TTI1: variants seen among roughly 807,000 people sequenced by gnomAD.
TTI1 encodes the protein TELO2 interacting protein 1, also known as TELO2-interacting protein 1 homolog.
TTI1 carries 52 observed loss-of-function variants against 85.4 expected under a neutral mutation model. That is an observed-to-expected ratio of 0.61 (90% CI 0.49 to 0.77). TTI1 has a LOEUF of 0.77. TTI1 is among the 30% of genes least tolerant of loss of function. The pLI, the probability that TTI1 is intolerant of heterozygous loss-of-function variation, is 0.00. For missense variants in TTI1, 1,173 were observed against 1,296.0 expected (o/e 0.91, Z 1.46); for synonymous variants, 512 against 503.9 (o/e 1.02, Z -0.22).
chr20:37,991,548 C>T (rs909382879), intron 7 of TTI1, among the ~76,000 whole-genome samples: 1 of 152,196 alleles, frequency 6.6e-6, no homozygotes, highest in Admixed American at 6.5e-5. Context: ...GTAAATGAAC[C>T]TTCAAACCCG....
chr20:37,997,762 T>C (rs1470993892), intron 5 of TTI1, among the ~76,000 whole-genome samples: 1 of 152,188 alleles, frequency 6.6e-6, no homozygotes, highest in Admixed American at 6.5e-5. Context: ...AGTGTCATCA[T>C]CGTGTCTGCG....
At chr20:37,996,298 C>G (rs920194172) in intron 7 of TTI1, 77 bp downstream of exon 7, 3 of 1,493,364 alleles carry the variant, frequency 2.0e-6, no homozygotes, top group Non-Finnish European at 2.8e-6. Flanking sequence ...AGAGATGCCT[C>G]AACTCTGCTT....
At position 38,012,586 on chromosome 20, in the gene TTI1, A is replaced by G; in HGVS notation, c.1231T>C (p.Leu411=). The G allele has an allele frequency of 6.2e-7, 1 of 1,614,204 alleles. No individual in the cohort carries two copies. Among genetic ancestry groups the G allele is most frequent in the Non-Finnish European group, 8.5e-7 (1 of 1,180,038 alleles). Residue 411 remains leucine, a synonymous_variant, in exon 2 of 8, where the codon TTG becomes CTG. Coordinates refer to ENST00000373447, the MANE Select transcript of TTI1 (RefSeq NM_001303457.2). ...AGGACAAAGTTTATTTTTGGGCCCAAGAGTTTCAGATAACCAAGTAACAAG... is the reference window on the plus strand; with the variant it reads ...AGGACAAAGTTTATTTTTGGGCCCAGGAGTTTCAGATAACCAAGTAACAAG... The part of the protein sequence containing the change: ...LSLLLGYLKL[L]GPKINFVLNS...
chr20:38,023,875 G>C (rs2073801651), intron 1 of TTI1, among the ~76,000 whole-genome samples: 2 of 152,194 alleles, frequency 1.3e-5, no homozygotes, highest in Non-Finnish European at 1.5e-5. Flanking sequence ...ATGTTAACCA[G>C]AGAGGCTAAC....
At chr20:38,005,969 G>C in intron 3 of TTI1, 1 of 499,220 alleles carries the variant, frequency 2.0e-6, no homozygotes, top group Non-Finnish European at 3.6e-6. Flanking sequence ...AAGCAGAGTT[G>C]CTTATAACTA....
intron 1 of TTI1, among the ~76,000 whole-genome samples, chr20:38,023,239 G>T (rs1356031730): frequency 6.6e-6 from 1 of 152,176 alleles, no homozygotes; most frequent in Non-Finnish European, 1.5e-5. Context: ...TTCATCTCAA[G>T]CCCGCCTGAC....
intron 1 of TTI1, among the ~76,000 whole-genome samples, chr20:38,020,323 A>AAAATATATATAT: frequency 2.0e-3 from 100 of 50,328 alleles, no homozygotes; most frequent in East Asian, 5.7e-3. Flanking sequence ...AAAAAAAAAA[A>AAAATATATATAT]ATATATATAT....
chr20:37,996,330 ATTT>A (rs2073337480), intron 7 of TTI1, 42 bp downstream of exon 7: 2 of 1,604,146 alleles, frequency 1.2e-6, no homozygotes, highest in African/African-American at 2.7e-5. Context: ...ATCATCTGTA[ATTT>A]AGAACAAACG....
chr20:37,996,127 C>T (rs537004248), intron 7 of TTI1, among the ~76,000 whole-genome samples: 1 of 152,224 alleles, frequency 6.6e-6, no homozygotes, highest in Non-Finnish European at 1.5e-5. Context: ...TCCTCTCTAG[C>T]ACACCGTCTT....
In TTI1 at chr20:37,986,545, C is replaced by A. The variant is rs187114041; in HGVS notation, c.3087-2906G>T. ...CTTTGCTTTTAAAGGGGCAGATGCC[C>A]CAGAATGGCAGGAATGCACGTTCCT... On this transcript the variant is annotated intron_variant, in intron 7 of 7. Transcript: ENST00000373447. Among the ~76,000 whole-genome samples the A allele has an allele frequency of 4.3e-4, 66 of 152,274 alleles. 2 individuals carry two copies. Among genetic ancestry groups the A allele is most frequent in the African/African-American group, 1.4e-3 (60 of 41,550 alleles).
At chr20:38,017,435 T>TGTGC (rs879610985) in intron 1 of TTI1, among the ~76,000 whole-genome samples, 219 of 146,222 alleles carry the variant, frequency 1.5e-3, no homozygotes, top group Middle Eastern at 3.8e-3. Context: ...TGTGTGTGTG[T>TGTGC]GCGCGCGCGC....
chr20:37,999,948 T>C (rs1396084871), intron 4 of TTI1, among the ~76,000 whole-genome samples: 3 of 152,222 alleles, frequency 2.0e-5, no homozygotes, highest in East Asian at 3.8e-4. Flanking sequence ...ATTCATGTTT[T>C]AGAAAGGTCA....
chr20:38,002,751 C>T lies in TTI1; in HGVS notation c.2529G>A (p.Val843=), dbSNP rs764936384. 24 of 1,614,060 alleles carry T rather than the reference C, an allele frequency of 1.5e-5. No individual in the cohort carries two copies. Among genetic ancestry groups the T allele is most frequent in the Non-Finnish European group, 1.9e-5 (22 of 1,180,040 alleles). Residue 843 remains valine, a synonymous_variant, in exon 4 of 8, where the codon GTG becomes GTA. Coordinates refer to ENST00000373447, the MANE Select transcript of TTI1 (RefSeq NM_001303457.2). The part of the protein sequence containing the change: ...EEEEQSVPPK[V]DENDTRPDVE... The stretch of plus-strand genomic sequence containing the variant: ...CATCTGGACGGGTGTCATTCTCATC[C>T]ACTTTGGGAGGGACTGACTGTTCCT...
rs117570539 is a variant in TTI1 at position 37,993,739 on chromosome 20, T to C, written c.3086+2636A>G. On this transcript the variant is annotated intron_variant, in intron 7 of 7. Transcript: ENST00000373447. ...TTCCAAAGCAAGCTGGTCATCTGCC[T>C]AGGGTCGGAAACTCACTACCTCTGG... 4.9e-4 allele frequency among the ~76,000 whole-genome samples: 74 copies of C among 152,340 alleles called. 3 individuals carry two copies. The East Asian group carries it at 0.014, about 29-fold the overall frequency.
In TTI1 at chr20:38,012,971, C is replaced by CT. The variant is rs1330185201; in HGVS notation, c.845dup (p.Thr283AspfsTer10). ...TAAGGATAGTCAACTTGTCGCCAGT[C>CT]TTTTTTACCCAATCTGCTTCCCTGT... On this transcript the variant is annotated frameshift_variant, in exon 2 of 8. Transcript: ENST00000373447. LOFTEE classifies it high-confidence loss of function. 1 of 1,614,078 alleles carries CT rather than the reference C, an allele frequency of 6.2e-7. No homozygotes were observed. Among genetic ancestry groups the CT allele is most frequent in the South Asian group, 1.1e-5 (1 of 91,086 alleles).
intron 7 of TTI1, among the ~76,000 whole-genome samples, chr20:37,984,427 C>T (rs1021875926): frequency 6.6e-6 from 1 of 152,216 alleles, no homozygotes; most frequent in Non-Finnish European, 1.5e-5. Context: ...TTCGTCTGAA[C>T]TTTGGGGTCA....
intron 3 of TTI1, chr20:38,005,790 A>C (rs1449980946): frequency 7.0e-6 from 1 of 143,142 alleles, no homozygotes; most frequent in Non-Finnish European, 1.5e-5. Flanking sequence ...CAAAAATAAA[A>C]AATAAAAAAA....
At chr20:37,996,979 G>A (rs1313636493) in intron 5 of TTI1, 26 bp from the exon 6 acceptor site, 1 of 1,606,644 alleles carries the variant, frequency 6.2e-7, no homozygotes, top group Admixed American at 1.7e-5. Flanking sequence ...CCAACCTGGT[G>A]AGTGAACATT....
intron 1 of TTI1, among the ~76,000 whole-genome samples, chr20:38,016,870 T>C (rs2073690082): frequency 6.6e-6 from 1 of 152,226 alleles, no homozygotes; most frequent in Non-Finnish European, 1.5e-5. Context: ...GGCAGATACT[T>C]CTAGGTAGAA....
Sources: gnomAD v4.1 joint callset for allele counts (sites outside exome capture counted in the v4.1 genomes callset) on GRCh38, gnomAD v4.1.1 for gene constraint, MANE v1.5 for transcripts, NCBI Gene and HGNC (gene_info 2026-07-23, HGNC 2026-07-21) for gene names.